The following PRSS41 variants were observed in gnomAD, a reference collection of about 807,000 sequenced individuals.
The protein encoded by PRSS41 is serine protease 41.
A neutral mutation model predicts 28.8 loss-of-function variants in PRSS41; 37 were observed. The ratio of observed to expected loss-of-function variants is 1.29; its 90% confidence interval spans 0.99 to 1.69. The LOEUF (loss-of-function observed/expected upper bound fraction) is 1.69. Ranked by LOEUF, PRSS41 falls within the 40% of genes most tolerant of loss-of-function variation. PRSS41 has a pLI of 0.00. For missense variants in PRSS41, 431 were observed against 400.7 expected (o/e 1.08, Z -0.65); for synonymous variants, 195 against 163.1 (o/e 1.20, Z -1.49).
intron 4 of PRSS41, among the ~76,000 whole-genome samples, chr16:2,801,796 C>T (rs891350254): frequency 2.0e-5 from 3 of 152,204 alleles, no homozygotes; most frequent in South Asian, 4.1e-4. Flanking sequence ...CACCTTTCCC[C>T]GCTTTCTATT....
chr16:2,801,565 G>C (rs1596309595), intron 4 of PRSS41, among the ~76,000 whole-genome samples: 1 of 151,544 alleles, frequency 6.6e-6, no homozygotes, highest in East Asian at 1.9e-4. Flanking sequence ...CTGCCTTCAA[G>C]CATCTGTTTA....
At chr16:2,799,612 G>A (rs2068973742) in intron 4 of PRSS41, 43 bp downstream of exon 4, 3 of 1,537,746 alleles carry the variant, frequency 2.0e-6, no homozygotes, top group East Asian at 4.9e-5. Context: ...GGGGTGCGGG[G>A]TGAGCATTAC....
At chr16:2,804,296 C>A in intron 4 of PRSS41, 93 bp from the exon 5 acceptor site, 1 of 1,383,020 alleles carries the variant, frequency 7.2e-7, no homozygotes, top group Non-Finnish European at 9.8e-7. Flanking sequence ...GGGACCTTCT[C>A]CCCACCCCTA....
intron 4 of PRSS41, among the ~76,000 whole-genome samples, chr16:2,802,555 A>T (rs2068996177): frequency 2.0e-5 from 3 of 152,152 alleles, no homozygotes; most frequent in Admixed American, 2.0e-4. Context: ...GGTTGTAGCG[A>T]GCCGAGATCA....
rs537639635 is a variant in PRSS41, at chr16:2,798,509, C to T, written c.25C>T (p.Leu9=). Residue 9 remains leucine (L), a synonymous_variant, in exon 1 of 6, where the codon CTG becomes TTG. Coordinates refer to ENST00000399677, the Ensembl canonical transcript of PRSS41. ...CATGGGCGCGCGCGGGGCGCTGCTG[C>T]TGGCGCTGCTGCTGGCTCGGGCTGG... The T allele has an allele frequency of 2.3e-4, 304 of 1,310,782 alleles. No individual in the cohort carries two copies. The African/African-American group carries it at 3.6e-3, about 15-fold the overall frequency. 81.2% of individuals were successfully genotyped at this position (1,310,782 alleles called of 1,614,324 possible). A position where few individuals can be genotyped will look rare whatever the true frequency, so the allele number is the denominator to read the frequency against.
chr16:2,798,895 GCAGGGCGGGC>G, intron 2 of PRSS41, 54 bp from the exon 3 acceptor site: 1 of 1,449,496 alleles, frequency 6.9e-7, no homozygotes, highest in South Asian at 1.4e-5. Flanking sequence ...GCAAAGCCGG[GCAGGGCGGGC>G]CTGCCCACCC....
chr16:2,804,364 C>A (rs2069006683), intron 4 of PRSS41, 25 bp from the exon 5 acceptor site: 1 of 1,550,098 alleles, frequency 6.5e-7, no homozygotes, highest in African/African-American at 1.4e-5. Flanking sequence ...GTGAAGGGTG[C>A]TGTCCTTTTC....
At position 2,802,736 on chromosome 16, in the gene PRSS41, C is replaced by T. The variant is rs200443504; in HGVS notation, c.542-1653C>T. Among the ~76,000 whole-genome samples the T allele has an allele frequency of 8.0e-3, 1,224 of 152,306 alleles. 14 individuals carry two copies. The highest frequency in any genetic ancestry group is 0.028 in the African/African-American group (1,172 of 41,558). On this transcript the variant is annotated intron_variant, in intron 4 of 5. Transcript: ENST00000399677. The stretch of plus-strand genomic sequence containing the variant: ...CTCCACCAAAACCAGTCAGGCATGG[C>T]GGCGCATGCCTGCAATCGCAGGCAC...
chr16:2,798,824 C>T, intron 2 of PRSS41, 135 bp from the exon 3 acceptor site: 1 of 1,214,034 alleles, frequency 8.2e-7, no homozygotes, highest in Non-Finnish European at 1.1e-6. Context: ...TGGGAGGGTC[C>T]CTAGCGTCAC....
chr16:2,798,583 AGCGAGGAGGCCGGGAGGTGGAGGCC>A (rs1335164514), intron 1 of PRSS41, 28 bp from the exon 2 acceptor site: 1 of 1,524,764 alleles, frequency 6.6e-7, no homozygotes, highest in East Asian at 2.5e-5. Context: ...GACCGGGGGC[AGCGAGGAGGCCGGGAGGTGGAGGCC>A]GCGAGGGTCA....
exon 1 of PRSS41, chr16:2,798,491 G>A (rs1241358330): frequency 2.4e-5 from 36 of 1,513,906 alleles, no homozygotes; most frequent in Non-Finnish European, 3.1e-5. Context: ...GGCCATGGGC[G>A]CGCGCGGGGC....
chr16:2,798,862 C>A, intron 2 of PRSS41, 97 bp from the exon 3 acceptor site: 2 of 1,352,096 alleles, frequency 1.5e-6, no homozygotes, highest in Non-Finnish European at 1.9e-6. Flanking sequence ...CCCCGGGGAG[C>A]CCCCCGCTGC....
chr16:2,802,553 C>T lies in PRSS41; in HGVS notation c.542-1836C>T, dbSNP rs1484403931. On this transcript the variant is annotated intron_variant, in intron 4 of 5. Transcript: ENST00000399677. Reference sequence around the variant, plus strand: ...GGCGGCTGGGAGGTGTAGGTTGTAGCGAGCCGAGATCACGCCACTGCACTC... The same window carrying T: ...GGCGGCTGGGAGGTGTAGGTTGTAGTGAGCCGAGATCACGCCACTGCACTC... 4.6e-5 allele frequency among the ~76,000 whole-genome samples: 7 copies of T among 152,220 alleles called. No individual in the cohort carries two copies. In the East Asian group the frequency reaches 9.6e-4, roughly 21 times the overall value.
Position 2,799,142 on chromosome 16 carries a change from C to T in PRSS41, c.257+18C>T. The stretch of plus-strand genomic sequence containing the variant: ...TTCCAAAAGTGAGTCTGGGGGGCGG[C>T]CGGGGCCTCAGACTTGCTAATGGCC... On this transcript the variant is annotated intron_variant, in intron 3 of 5. Coordinates refer to ENST00000399677, the Ensembl canonical transcript of PRSS41. The T allele has an allele frequency of 6.6e-7, 1 of 1,508,130 alleles. No individual in the cohort carries two copies. 93.4% of individuals were successfully genotyped at this position (1,508,130 alleles called of 1,614,324 possible). A position where few individuals can be genotyped will look rare whatever the true frequency, so the allele number is the denominator to read the frequency against.
Position 2,798,647 on chromosome 16 carries a change from G to T in PRSS41, c.76G>T (p.Glu26Ter). Residue 26 changes from glutamate (E) to a stop codon, truncating the protein, a stop_gained, in exon 2 of 6, where the codon GAG (glutamate) becomes TAG (stop). Coordinates refer to ENST00000399677, the Ensembl canonical transcript of PRSS41. LOFTEE classifies it high-confidence loss of function. Reference sequence around the variant, plus strand: ...CTTGTGTCCTGCAGAGTCGCAGGAGGAGGAGCTGTTGTCAGGTAGGGCGCC... The same window carrying T: ...CTTGTGTCCTGCAGAGTCGCAGGAGTAGGAGCTGTTGTCAGGTAGGGCGCC... The T allele has an allele frequency of 6.7e-7, 1 of 1,491,960 alleles. No individual in the cohort carries two copies. The highest frequency in any genetic ancestry group is 8.9e-7 in the Non-Finnish European group (1 of 1,124,966). 92.4% of individuals were successfully genotyped at this position (1,491,960 alleles called of 1,614,324 possible). A position where few individuals can be genotyped will look rare whatever the true frequency, so the allele number is the denominator to read the frequency against.
At chr16:2,803,928 T>A (rs1474698729) in intron 4 of PRSS41, among the ~76,000 whole-genome samples, 2 of 152,208 alleles carry the variant, frequency 1.3e-5, no homozygotes, top group Non-Finnish European at 2.9e-5. Flanking sequence ...TTATAATGTG[T>A]CTCAGTGTAA....
chr16:2,799,266 CCTCT>C lies in PRSS41; in HGVS notation c.258-16_258-13del, dbSNP rs752573020. 1.1e-5 allele frequency: 17 copies of C among 1,550,204 alleles called. No homozygotes were observed. The African/African-American group carries it at 1.8e-4, about 16-fold the overall frequency. ...AGCCCCCTATTCCAAGGCTCCCCGC[CCTCT>C]CTCCTTTTCTGCTAGGCACTACTAT... On this transcript the variant is annotated splice_polypyrimidine_tract_variant and intron_variant, in intron 3 of 5. Transcript: ENST00000399677.
exon 4 of PRSS41, chr16:2,799,356 C>A (rs966690960): frequency 1.3e-6 from 2 of 1,551,812 alleles, no homozygotes. Flanking sequence ...TTGGAACCTG[C>A]GGGCCTACAG....
intron 4 of PRSS41, among the ~76,000 whole-genome samples, chr16:2,802,486 C>G (rs566979971): frequency 1.3e-5 from 2 of 152,068 alleles, no homozygotes; most frequent in African/African-American, 4.8e-5. Flanking sequence ...GGATGGCGGC[C>G]GGGCAGAGGC....
Sources: allele counts gnomAD v4.1 joint callset (sites outside exome capture counted in the v4.1 genomes callset), GRCh38; gene constraint gnomAD v4.1.1; transcripts MANE v1.5; gene names NCBI Gene and HGNC (gene_info 2026-07-23, HGNC 2026-07-21).